Variants in SEZ6L observed in about 807,000 individuals in gnomAD.
The protein encoded by SEZ6L is seizure related 6 homolog like.
In SEZ6L, 37 loss-of-function variants were observed where a neutral mutation model predicts 106.2. That is an observed-to-expected ratio of 0.35 (90% CI 0.27 to 0.46). The LOEUF is 0.46. Among genes scored for constraint, SEZ6L ranks in the 20% least tolerant of loss-of-function variants. SEZ6L has a pLI of 1.00. For synonymous variants in SEZ6L, 541 were observed against 570.4 expected (o/e 0.95, Z 0.73); for missense variants, 1,172 against 1,332.8 (o/e 0.88, Z 1.88).
chr22:26,352,425 T>C (rs1383296219), intron 12 of SEZ6L, among the ~76,000 whole-genome samples: 1 of 151,990 alleles, frequency 6.6e-6, no homozygotes, highest in African/African-American at 2.4e-5. Flanking sequence ...AATTTAACTC[T>C]GGGGGGAAAA....
rs143598049 is a variant in SEZ6L, at chr22:26,263,706, G to A, written c.95-28700G>A. ...GGCAAATCTGATCTTCCCAAAGCTG[G>A]TCCTTACTCAGCATTTACAGTGCAG... On this transcript the variant is annotated intron_variant, in intron 1 of 16. Coordinates refer to ENST00000248933, the MANE Select transcript of SEZ6L (RefSeq NM_021115.5). Among the ~76,000 whole-genome samples the A allele has an allele frequency of 5.1e-3, 773 of 152,202 alleles. 5 individuals carry two copies. Among genetic ancestry groups the A allele is most frequent in the Middle Eastern group, 0.014 (4 of 294 alleles).
intron 1 of SEZ6L, among the ~76,000 whole-genome samples, chr22:26,263,329 C>T (rs1207398): frequency 0.024 from 3,646 of 152,342 alleles, 77 homozygotes; most frequent in Non-Finnish European, 0.037. Context: ...AGCCCCCACC[C>T]GTCAGGGTGC....
intron 1 of SEZ6L, among the ~76,000 whole-genome samples, chr22:26,226,381 C>G (rs553786789): frequency 1.3e-5 from 2 of 152,358 alleles, no homozygotes; most frequent in Admixed American, 6.5e-5. Context: ...TTCCCTCCAA[C>G]TTTCACCAAG....
chr22:26,371,227 T>G (rs1330495399), intron 13 of SEZ6L, among the ~76,000 whole-genome samples: 1 of 152,158 alleles, frequency 6.6e-6, no homozygotes, highest in East Asian at 1.9e-4. Context: ...TGCCCATGAA[T>G]CCTTGGATGC....
chr22:26,378,934 AATTAACAAC>A (rs2084322562), intron 16 of SEZ6L, among the ~76,000 whole-genome samples: 1 of 152,182 alleles, frequency 6.6e-6, no homozygotes, highest in Non-Finnish European at 1.5e-5. Flanking sequence ...TAGGGGCCTA[AATTAACAAC>A]ATACATTTAT....
intron 1 of SEZ6L, among the ~76,000 whole-genome samples, chr22:26,253,754 T>TA (rs757171439): frequency 1.5e-4 from 23 of 152,182 alleles, no homozygotes; most frequent in Non-Finnish European, 3.2e-4. Context: ...TGTGTATGTA[T>TA]AAAAAACAGA....
In SEZ6L at chr22:26,366,822, A is replaced by AT. The variant is rs528292169; in HGVS notation, c.2794+1263dup. On this transcript the variant is annotated intron_variant, in intron 13 of 16. Transcript: ENST00000248933. The stretch of plus-strand genomic sequence containing the variant: ...TTTTGATTTTCTAAATTATTACTAA[A>AT]TTTTTTTGTAGAGACAGGGTCTTGC... Among the ~76,000 whole-genome samples the AT allele has an allele frequency of 6.4e-4, 97 of 152,108 alleles. 2 individuals are homozygous for AT. The highest frequency in any genetic ancestry group is 2.2e-3 in the African/African-American group (91 of 41,498).
At chr22:26,247,578 C>T (rs1381865485) in intron 1 of SEZ6L, among the ~76,000 whole-genome samples, 1 of 152,054 alleles carries the variant, frequency 6.6e-6, no homozygotes, top group Non-Finnish European at 1.5e-5. Context: ...CCAAGGATTG[C>T]CAGGGGCCAC....
intron 1 of SEZ6L, among the ~76,000 whole-genome samples, chr22:26,229,244 GC>G (rs1450717364): frequency 2.0e-5 from 3 of 152,078 alleles, no homozygotes; most frequent in Non-Finnish European, 4.4e-5. Flanking sequence ...TGATCCACCC[GC>G]CTTGGTCTCC....
At chr22:26,268,213 A>G (rs1285010124) in intron 1 of SEZ6L, among the ~76,000 whole-genome samples, 6 of 152,206 alleles carry the variant, frequency 3.9e-5, no homozygotes, top group African/African-American at 9.7e-5. Context: ...CAACATGCAC[A>G]ATGACTTTGT....
chr22:26,208,846 C>CTGTG (rs1172376251), intron 1 of SEZ6L, among the ~76,000 whole-genome samples: 1 of 118,110 alleles, frequency 8.5e-6, no homozygotes, highest in Non-Finnish European at 1.7e-5. Context: ...TCTTGACTCT[C>CTGTG]TCTCTGTGTG....
chr22:26,267,061 T>A (rs1601321016), intron 1 of SEZ6L, among the ~76,000 whole-genome samples: 1 of 152,298 alleles, frequency 6.6e-6, no homozygotes, highest in Non-Finnish European at 1.5e-5. Context: ...AGAGTCAAAA[T>A]AATATAATTA....
chr22:26,251,192 G>A (rs2079566100), intron 1 of SEZ6L, among the ~76,000 whole-genome samples: 1 of 152,198 alleles, frequency 6.6e-6, no homozygotes, highest in Non-Finnish European at 1.5e-5. Context: ...AATAGGAGTG[G>A]TGAGAGTAGG....
At chr22:26,324,083 C>CACACACACACACACACACACAA (rs1569463196) in intron 9 of SEZ6L, among the ~76,000 whole-genome samples, 1 of 151,184 alleles carries the variant, frequency 6.6e-6, no homozygotes, top group East Asian at 1.9e-4. Context: ...CACACACACA[C>CACACACACACACACACACACAA]ACACACACAC....
chr22:26,291,359 A>G (rs894575008), intron 1 of SEZ6L, among the ~76,000 whole-genome samples: 4 of 152,108 alleles, frequency 2.6e-5, no homozygotes, highest in African/African-American at 7.2e-5. Flanking sequence ...CAAACACCAC[A>G]TGTTCTCACT....
chr22:26,309,975 GAC>G (rs756786169), intron 6 of SEZ6L, among the ~76,000 whole-genome samples: 1 of 152,178 alleles, frequency 6.6e-6, no homozygotes, highest in African/African-American at 2.4e-5. Flanking sequence ...GCTGAGAAGT[GAC>G]AGAGTCAGGA....
Position 26,268,615 on chromosome 22 carries a change from T to C in SEZ6L, c.95-23791T>C, listed in dbSNP as rs546620663. On this transcript the variant is annotated intron_variant, in intron 1 of 16. Coordinates refer to ENST00000248933, the MANE Select transcript of SEZ6L (RefSeq NM_021115.5). ...CTGATAAGATGGAGCAGAGGGCACA[T>C]AGGCCAGGGTCTCTCCATCTCCGCA... is the stretch of plus-strand genomic sequence containing the variant. Among the ~76,000 whole-genome samples the C allele has an allele frequency of 2.7e-4, 41 of 152,332 alleles. No homozygotes were observed. The South Asian group carries it at 7.9e-3, about 29-fold the overall frequency.
At chr22:26,288,810 G>A (rs2081016307) in intron 1 of SEZ6L, among the ~76,000 whole-genome samples, 2 of 152,190 alleles carry the variant, frequency 1.3e-5, no homozygotes, top group African/African-American at 4.8e-5. Flanking sequence ...CTTGTGTGCA[G>A]ATGACACAAC....
chr22:26,174,105 G>A (rs1361336454), intron 1 of SEZ6L, among the ~76,000 whole-genome samples: 1 of 152,160 alleles, frequency 6.6e-6, no homozygotes, highest in South Asian at 2.1e-4. Flanking sequence ...GACATCTGCA[G>A]GTAAACTACT....
Sources: gnomAD v4.1 joint callset for allele counts (sites outside exome capture counted in the v4.1 genomes callset) on GRCh38, gnomAD v4.1.1 for gene constraint, MANE v1.5 for transcripts, NCBI Gene and HGNC (gene_info 2026-07-23, HGNC 2026-07-21) for gene names.